The following TTC33 variants were observed in gnomAD, a reference collection of about 807,000 sequenced individuals.
TTC33 encodes the protein tetratricopeptide repeat protein 33.
In TTC33, 24 loss-of-function variants were observed where a neutral mutation model predicts 29.4. That is an observed-to-expected ratio of 0.82 (90% confidence interval 0.59 to 1.15). The LOEUF (loss-of-function observed/expected upper bound fraction) is 1.15, where lower values mean the gene tolerates loss of function less well. TTC33 is among the 50% of genes most tolerant of loss of function. The pLI, the probability that TTC33 is intolerant of heterozygous loss-of-function variation, is 0.00. For synonymous variants in TTC33, 107 were observed against 100.3 expected (o/e 1.07, Z -0.40); for missense variants, 286 against 310.4 (o/e 0.92, Z 0.59).
intron 4 of TTC33, among the ~76,000 whole-genome samples, chr5:40,724,159 T>A (rs1293159820): frequency 6.6e-6 from 1 of 152,000 alleles, no homozygotes; most frequent in East Asian, 1.9e-4. Flanking sequence ...ACAAAGCAAA[T>A]GGTATACACA....
chr5:40,753,529 C>A (rs538342804), intron 1 of TTC33, among the ~76,000 whole-genome samples: 2 of 151,960 alleles, frequency 1.3e-5, no homozygotes, highest in Admixed American at 6.5e-5. Context: ...CTCCCCAGGC[C>A]GATCATATTA....
At chr5:40,731,075 T>C (rs1195627727) in intron 2 of TTC33, among the ~76,000 whole-genome samples, 2 of 152,196 alleles carry the variant, frequency 1.3e-5, no homozygotes, top group Non-Finnish European at 2.9e-5. Context: ...TAAACAATAT[T>C]TCCAAATGTT....
chr5:40,732,905 G>A (rs1742465391), intron 2 of TTC33, among the ~76,000 whole-genome samples: 1 of 152,056 alleles, frequency 6.6e-6, no homozygotes, highest in African/African-American at 2.4e-5. Context: ...ACCGCGCCCG[G>A]CCTAATATAA....
intron 3 of TTC33, among the ~76,000 whole-genome samples, chr5:40,730,040 ATAGT>A (rs1742386428): frequency 6.6e-6 from 1 of 152,222 alleles, no homozygotes. Context: ...CTATCTTACA[ATAGT>A]TAGGCTAAAA....
At chr5:40,721,199 A>C (rs1206605654) in intron 4 of TTC33, among the ~76,000 whole-genome samples, 2 of 152,200 alleles carry the variant, frequency 1.3e-5, no homozygotes, top group African/African-American at 4.8e-5. Flanking sequence ...GAATTTGGCA[A>C]AATCCAGCTG....
At chr5:40,726,063 A>G (rs968826526) in intron 4 of TTC33, among the ~76,000 whole-genome samples, 2 of 151,182 alleles carry the variant, frequency 1.3e-5, no homozygotes, top group South Asian at 2.1e-4. Context: ...GGGATTACAG[A>G]CTTGAGCCAC....
chr5:40,726,355 G>A (rs1200983782), intron 4 of TTC33, among the ~76,000 whole-genome samples: 2 of 151,410 alleles, frequency 1.3e-5, no homozygotes, highest in East Asian at 3.9e-4. Context: ...ATTTCCTATG[G>A]TTTTAGTCCA....
intron 1 of TTC33, among the ~76,000 whole-genome samples, chr5:40,753,918 T>TAA (rs1459655023): frequency 7.1e-6 from 1 of 140,880 alleles, no homozygotes; most frequent in African/African-American, 2.6e-5. Context: ...GAAAAAAAAG[T>TAA]AAAAAAAAAA....
In TTC33 at chr5:40,713,224, T is replaced by A. The variant is rs915734475; in HGVS notation, c.*2921A>T. Among the ~76,000 whole-genome samples the A allele has an allele frequency of 2.0e-5, 3 of 152,114 alleles. No individual in the cohort carries two copies. Among genetic ancestry groups the A allele is most frequent in the African/African-American group, 7.2e-5 (3 of 41,438 alleles). ...GTATCATGAAATCATAGCTCAGAAT[T>A]GCTGGTCCAGAGTCACTTTAGAATG... On this transcript the variant is annotated 3_prime_UTR_variant, in exon 5 of 5. Transcript: ENST00000337702.
Position 40,743,611 on chromosome 5 carries a change from A to G in TTC33, c.221+3187T>C, listed in dbSNP as rs559223325. Among the ~76,000 whole-genome samples the G allele has an allele frequency of 2.0e-5, 3 of 151,768 alleles. No homozygotes were observed. The South Asian group carries it at 6.3e-4, about 32-fold the overall frequency. On this transcript the variant is annotated intron_variant, in intron 2 of 4. Transcript: ENST00000337702. Reference sequence around the variant, plus strand: ...AACATGGCGAAATCCCATCTCTACTAAGAATACAAAAATTAGCTGGGCATG... The same window carrying G: ...AACATGGCGAAATCCCATCTCTACTGAGAATACAAAAATTAGCTGGGCATG...
intron 2 of TTC33, among the ~76,000 whole-genome samples, chr5:40,738,815 T>C (rs903282149): frequency 2.0e-5 from 3 of 152,162 alleles, no homozygotes; most frequent in Admixed American, 6.5e-5. Flanking sequence ...TGAGCAGCTT[T>C]TTTTATGCTT....
chr5:40,723,226 T>C (rs1379489925), intron 4 of TTC33, among the ~76,000 whole-genome samples: 2 of 152,064 alleles, frequency 1.3e-5, no homozygotes, highest in Admixed American at 6.6e-5. Context: ...AAACAGATGC[T>C]TGAAGGCAGC....
chr5:40,734,316 G>GAACAGACT (rs3840326), intron 2 of TTC33, among the ~76,000 whole-genome samples: 45,303 of 152,054 alleles, frequency 0.3, 7,001 homozygotes, highest in East Asian at 0.56. Flanking sequence ...ACTTCAGTTT[G>GAACAGACT]GAACAGACTG....
chr5:40,721,325 T>C (rs1246881389), intron 4 of TTC33, among the ~76,000 whole-genome samples: 1 of 152,052 alleles, frequency 6.6e-6, no homozygotes, highest in Non-Finnish European at 1.5e-5. Flanking sequence ...AGAACAAAAC[T>C]AGGGGCATCA....
In TTC33 at chr5:40,719,696, C is replaced by G. The variant is rs249410; in HGVS notation, c.436-3198G>C. On this transcript the variant is annotated intron_variant, in intron 4 of 4. Transcript: ENST00000337702. ...GACGAGGACTCCAATTTCTCCACACCCTCACCAACACTTCATATTGTCCAT... is the reference window on the plus strand; with the variant it reads ...GACGAGGACTCCAATTTCTCCACACGCTCACCAACACTTCATATTGTCCAT... 7.4e-4 allele frequency among the ~76,000 whole-genome samples: 113 copies of G among 152,220 alleles called. 1 individual carries two copies. In the East Asian group the frequency reaches 0.017, roughly 23 times the overall value.
At chr5:40,738,552 TAAAATAAAATAAAATATAAAATAAA>T (rs1387265241) in intron 2 of TTC33, among the ~76,000 whole-genome samples, 1 of 112,682 alleles carries the variant, frequency 8.9e-6, no homozygotes, top group Non-Finnish European at 2.0e-5. Context: ...TAAAATAAAA[TAAAATAAAATAAAATATAAAATAAA>T]ATAAAATAAA....
chr5:40,740,574 T>C (rs1036654089), intron 2 of TTC33, among the ~76,000 whole-genome samples: 2 of 152,136 alleles, frequency 1.3e-5, no homozygotes, highest in Non-Finnish European at 2.9e-5. Context: ...CCACATTAAC[T>C]GGAAGTAGCA....
At chr5:40,727,954 C>T (rs1424596995) in intron 4 of TTC33, among the ~76,000 whole-genome samples, 2 of 151,992 alleles carry the variant, frequency 1.3e-5, no homozygotes, top group South Asian at 2.1e-4. Context: ...ACTTGATAAA[C>T]GGCTATTCAC....
intron 2 of TTC33, among the ~76,000 whole-genome samples, chr5:40,741,476 C>T (rs1234858282): frequency 6.6e-6 from 1 of 152,218 alleles, no homozygotes; most frequent in Non-Finnish European, 1.5e-5. Context: ...CCAATAGTTG[C>T]ATGGCCTAAT....
Sources: allele counts gnomAD v4.1 joint callset (sites outside exome capture counted in the v4.1 genomes callset), GRCh38; gene constraint gnomAD v4.1.1; transcripts MANE v1.5; gene names NCBI Gene and HGNC (gene_info 2026-07-23, HGNC 2026-07-21).